DST: variants seen among roughly 807,000 people sequenced by gnomAD.
DST encodes dystonin.
Under a neutral mutation model 875.2 loss-of-function variants are expected in DST, and 253 were observed. That is an observed-to-expected ratio of 0.29 (90% CI 0.26 to 0.32). The LOEUF (loss-of-function observed/expected upper bound fraction) is 0.32. Among genes scored for constraint, DST ranks in the 10% least tolerant of loss-of-function variants. The pLI is 1.00. For missense variants in DST, 8,287 were observed against 9,111.6 expected (o/e 0.91, Z 3.68); for synonymous variants, 3,124 against 3,197.1 (o/e 0.98, Z 0.77).
intron 9 of DST, among the ~76,000 whole-genome samples, chr6:56,686,758 A>C (rs1375009236): frequency 6.6e-6 from 1 of 152,208 alleles, no homozygotes; most frequent in Non-Finnish European, 1.5e-5. Context: ...GTCCCGTTAA[A>C]AGTTTTGAAA....
chr6:56,842,634 G>T (rs1049341130), intron 4 of DST, among the ~76,000 whole-genome samples: 8 of 152,056 alleles, frequency 5.3e-5, no homozygotes, highest in Admixed American at 4.6e-4. Context: ...TAAGGAAAAT[G>T]ATCTAGTGAT....
intron 49 of DST, among the ~76,000 whole-genome samples, chr6:56,581,711 A>G (rs951355371): frequency 6.6e-6 from 1 of 152,212 alleles, no homozygotes; most frequent in African/African-American, 2.4e-5. Context: ...CTACTCCTGC[A>G]TTTGGATTTC....
In DST at chr6:56,766,018, C is replaced by T. The variant is rs192744499; in HGVS notation, c.626-30729G>A. On this transcript the variant is annotated intron_variant, in intron 4 of 103. Transcript: ENST00000680361. ...GATTTGTCCTACTTAGCTAGTCACA[C>T]GCACAAGTTAGTATTCTTACACTAC... Among the ~76,000 whole-genome samples the T allele has an allele frequency of 2.6e-4, 39 of 152,254 alleles. 1 individual carries two copies. The highest frequency in any genetic ancestry group is 2.0e-3 in the Admixed American group (31 of 15,292).
intron 74 of DST, among the ~76,000 whole-genome samples, 158 bp from the exon 75 acceptor site, chr6:56,508,913 T>C (rs1006784027): frequency 4.6e-5 from 7 of 152,172 alleles, no homozygotes; most frequent in African/African-American, 1.2e-4. Flanking sequence ...TATCAGTGGG[T>C]CCAAGAGTCT....
chr6:56,685,471 G>T (rs2099178838), intron 9 of DST, among the ~76,000 whole-genome samples: 2 of 152,116 alleles, frequency 1.3e-5, no homozygotes, highest in African/African-American at 4.8e-5. Context: ...ACACCAGTCA[G>T]AATGGTCATT....
intron 5 of DST, among the ~76,000 whole-genome samples, chr6:56,732,399 G>A (rs1459102945): frequency 1.3e-5 from 2 of 151,988 alleles, no homozygotes; most frequent in African/African-American, 4.8e-5. Flanking sequence ...GAGTTTTCAG[G>A]AAAACTTTTT....
Position 56,652,088 on chromosome 6 carries a change from CAT to C in DST, c.1215-846_1215-845del, listed in dbSNP as rs576124645. ...AATAGTTTATGTTTTCATGAGCACACATGTGTGCATGTGCCCCCCTACACACA... is the reference window on the plus strand; with the variant it reads ...AATAGTTTATGTTTTCATGAGCACACGTGTGCATGTGCCCCCCTACACACA... On this transcript the variant is annotated intron_variant, in intron 10 of 103. Transcript: ENST00000680361. 2.7e-3 allele frequency among the ~76,000 whole-genome samples: 405 copies of C among 152,264 alleles called. 3 individuals are homozygous for C. Among genetic ancestry groups the C allele is most frequent in the African/African-American group, 9.1e-3 (379 of 41,556 alleles).
At chr6:56,517,006 C>A (rs2096606674) in intron 71 of DST, among the ~76,000 whole-genome samples, 192 bp downstream of exon 71, 2 of 152,154 alleles carry the variant, frequency 1.3e-5, no homozygotes, top group African/African-American at 2.4e-5. Flanking sequence ...AGATTGTCCT[C>A]ATAGTGATTC....
intron 2 of DST, among the ~76,000 whole-genome samples, chr6:56,949,948 G>A (rs111567477): frequency 0.018 from 2,797 of 152,240 alleles, 72 homozygotes; most frequent in African/African-American, 0.062. Context: ...GTGGACCATT[G>A]TTTCATTTAG....
chr6:56,569,900 A>G lies in DST; in HGVS notation c.13834T>C (p.Ser4612Pro). Reference sequence around the variant, plus strand: ...TTTCCTAAATCCTCTGCACCAAAAGAAGGCTGTACAATGGGAACTTTTTTT... The same window carrying G: ...TTTCCTAAATCCTCTGCACCAAAAGGAGGCTGTACAATGGGAACTTTTTTT... ...TTKKVPIVQP[S>P]FGAEDLGKSL... The change falls in exon 54 of 104, where the codon TCT becomes CCT. Residue 4612 changes from serine (S) to proline (P), a missense_variant. Physicochemically the swap from Ser to Pro is moderately conservative, Grantham distance 74. Coordinates refer to ENST00000680361, the MANE Select transcript of DST (RefSeq NM_001374736.1). The G allele has an allele frequency of 6.2e-7, 1 of 1,612,524 alleles. No homozygotes were observed. Among genetic ancestry groups the G allele is most frequent in the East Asian group, 2.2e-5 (1 of 44,746 alleles).
At chr6:56,952,560 A>G (rs1822911633) in intron 2 of DST, among the ~76,000 whole-genome samples, 1 of 152,208 alleles carries the variant, frequency 6.6e-6, no homozygotes, top group South Asian at 2.1e-4. Context: ...ATTTGCAAAC[A>G]TTATCGTTTA....
At chr6:56,807,270 C>A (rs1029786395) in intron 4 of DST, among the ~76,000 whole-genome samples, 1 of 152,168 alleles carries the variant, frequency 6.6e-6, no homozygotes, top group Admixed American at 6.5e-5. Context: ...AAGCGATCCA[C>A]CCACCTTGGC....
chr6:56,852,216 C>T (rs1182820480), intron 3 of DST, among the ~76,000 whole-genome samples: 1 of 152,202 alleles, frequency 6.6e-6, no homozygotes, highest in Non-Finnish European at 1.5e-5. Context: ...AGGGCTGATT[C>T]TGAGAAGAGC....
rs996894758 is a variant in DST, at chr6:56,497,604, T to C, written c.20095-97A>G. ...AATCCCAGCCTGCTAAGCCTCTCTA[T>C]GCATTCTTAAGAACAGCCAGGTACC... On this transcript the variant is annotated intron_variant, in intron 81 of 103. Coordinates refer to ENST00000680361, the MANE Select transcript of DST (RefSeq NM_001374736.1). 1.0e-5 allele frequency: 15 copies of C among 1,446,206 alleles called. No homozygotes were observed. The African/African-American group carries it at 2.0e-4, about 19-fold the overall frequency. 89.6% of individuals were successfully genotyped at this position (1,446,206 alleles called of 1,614,324 possible). A position where few individuals can be genotyped will look rare whatever the true frequency, so the allele number is the denominator to read the frequency against.
intron 4 of DST, among the ~76,000 whole-genome samples, chr6:56,823,069 G>C (rs1228771929): frequency 6.6e-6 from 1 of 152,084 alleles, no homozygotes; most frequent in Non-Finnish European, 1.5e-5. Context: ...CTGGCCTCAA[G>C]TGATCCACCT....
At position 56,866,902 on chromosome 6, in the gene DST, G is replaced by A. The variant is rs142481344; in HGVS notation, c.418-15298C>T. On this transcript the variant is annotated intron_variant, in intron 3 of 103. Coordinates refer to ENST00000680361, the MANE Select transcript of DST (RefSeq NM_001374736.1). Reference sequence around the variant, plus strand: ...AGCACACAGTTTGTATGTACTCAACGAGTTCCAATTTCCTGCAATAAATAT... The same window carrying A: ...AGCACACAGTTTGTATGTACTCAACAAGTTCCAATTTCCTGCAATAAATAT... Among the ~76,000 whole-genome samples the A allele has an allele frequency of 1.9e-4, 29 of 152,252 alleles. No individual in the cohort carries two copies. In the East Asian group the frequency reaches 4.6e-3, roughly 24 times the overall value.
intron 65 of DST, 51 bp downstream of exon 65, chr6:56,529,923 A>G: frequency 6.3e-7 from 1 of 1,598,164 alleles, no homozygotes. Context: ...TTTATGTCAC[A>G]AAACCACACA....
At chr6:56,626,012 AAGCTT>A (rs1315910343) in intron 34 of DST, among the ~76,000 whole-genome samples, 1 of 151,650 alleles carries the variant, frequency 6.6e-6, no homozygotes, top group Non-Finnish European at 1.5e-5. Flanking sequence ...AAATAGAAAA[AAGCTT>A]ACAGAATAAA....
intron 10 of DST, among the ~76,000 whole-genome samples, chr6:56,658,509 T>C (rs570833692): frequency 6.6e-6 from 1 of 152,324 alleles, no homozygotes; most frequent in East Asian, 1.9e-4. Context: ...TCAACTGATT[T>C]ACCCAAGATC....
Sources: gnomAD v4.1 joint callset for allele counts (sites outside exome capture counted in the v4.1 genomes callset) on GRCh38, gnomAD v4.1.1 for gene constraint, MANE v1.5 for transcripts, NCBI Gene and HGNC (gene_info 2026-07-23, HGNC 2026-07-21) for gene names.